Variants in GLI3 observed in about 807,000 individuals in gnomAD.
GLI3 encodes transcription activator GLI3.
Under a neutral mutation model 100.8 loss-of-function variants are expected in GLI3, and 20 were observed. That is an observed-to-expected ratio of 0.20 (90% CI 0.14 to 0.29). The LOEUF (loss-of-function observed/expected upper bound fraction) is 0.29. Ranked by LOEUF, GLI3 falls within the 10% of genes least tolerant of loss-of-function variation. The probability of loss-of-function intolerance (pLI) is 1.00; values close to 1 mark genes in which losing one functional copy is unlikely to be tolerated. For synonymous variants in GLI3, 938 were observed against 860.5 expected (o/e 1.09, Z -1.58); for missense variants, 2,040 against 2,128.5 (o/e 0.96, Z 0.82).
At chr7:42,070,481 G>T (rs1416690364) in intron 4 of GLI3, among the ~76,000 whole-genome samples, 2 of 152,228 alleles carry the variant, frequency 1.3e-5, no homozygotes, top group African/African-American at 4.8e-5. Flanking sequence ...CGGAGCAAGG[G>T]TGTGGAGTCT....
In GLI3 at chr7:41,965,268, C is replaced by T. The variant is rs570240783; in HGVS notation, c.3805G>A (p.Asp1269Asn). 4 of 1,613,508 alleles carry T rather than the reference C, an allele frequency of 2.5e-6. No individual in the cohort carries two copies. Among genetic ancestry groups the T allele is most frequent in the Non-Finnish European group, 3.4e-6 (4 of 1,179,690 alleles). Residue 1269 changes from aspartate (D) to asparagine (N), a missense_variant, in exon 15 of 15, where the codon GAC becomes AAC. This residue lies in a region of GLI3 where 1,041 missense variants were observed against 924.0 expected (regional missense o/e 1.13). Transcript: ENST00000395925. ...TGAATCCCGGCACCACAGGCACCGT[C>T]GAGTGCACCAGGGGCCACTGGCTGC... ...NRQPVAPGAL[D>N]GACGAGIQAS...
intron 10 of GLI3, among the ~76,000 whole-genome samples, chr7:41,997,782 G>A (rs1788168058): frequency 6.6e-6 from 1 of 152,142 alleles, no homozygotes; most frequent in African/African-American, 2.4e-5. Context: ...ACTTCCACAC[G>A]CAGGTGCTCA....
chr7:42,055,071 A>G (rs575868205), intron 4 of GLI3, among the ~76,000 whole-genome samples: 9 of 137,380 alleles, frequency 6.6e-5, no homozygotes, highest in Non-Finnish European at 1.2e-4. Context: ...ATATGTATAC[A>G]TATATATGTA....
At chr7:42,205,667 A>G (rs1333274971) in intron 2 of GLI3, among the ~76,000 whole-genome samples, 14 of 152,252 alleles carry the variant, frequency 9.2e-5, no homozygotes, top group Non-Finnish European at 2.9e-5. Flanking sequence ...ATGAGACAAA[A>G]GTAAAACTAA....
rs1192540715 is a variant in GLI3, at chr7:42,120,346, C to CA, written c.367+27879dup. ...ATTTCCTTATGCCTTTTGGGAGCAG[C>CA]AATCTCTCTAATACGTTTCTGAATT... On this transcript the variant is annotated intron_variant, in intron 3 of 14. Coordinates refer to ENST00000395925, the MANE Select transcript of GLI3 (RefSeq NM_000168.6). Among the ~76,000 whole-genome samples, 6 of 152,172 alleles carry CA rather than the reference C, an allele frequency of 3.9e-5. No individual in the cohort carries two copies. In the East Asian group the frequency reaches 9.6e-4, roughly 24 times the overall value.
chr7:41,964,482 G>A lies in GLI3; in HGVS notation c.4591C>T (p.Leu1531Phe). 5 of 1,614,208 alleles carry A rather than the reference G, an allele frequency of 3.1e-6. No homozygotes were observed. The highest frequency in any genetic ancestry group is 4.2e-6 in the Non-Finnish European group (5 of 1,180,012). The stretch of plus-strand genomic sequence containing the variant: ...GTGAGGCGGGAGGAGCTATGGGAAA[G>A]GTTCTGAATGATACTTGGGCTCAGG... ...GALSPSIIQNLSHSSSRLTTP... is the reference protein window; with the variant it reads ...GALSPSIIQNFSHSSSRLTTP... Residue 1531 changes from leucine (L) to phenylalanine (F), a missense_variant, in exon 15 of 15, where the codon CTT becomes TTT. Physicochemically the swap from Leu to Phe is conservative, Grantham distance 22. Coordinates refer to ENST00000395925, the MANE Select transcript of GLI3 (RefSeq NM_000168.6).
At chr7:42,094,231 C>G (rs562234323) in intron 3 of GLI3, among the ~76,000 whole-genome samples, 83 of 152,306 alleles carry the variant, frequency 5.4e-4, no homozygotes, top group Admixed American at 3.7e-3. Context: ...ATTAGAACCA[C>G]GAATTCTGTT....
chr7:42,211,682 C>T (rs1583651642), intron 2 of GLI3, among the ~76,000 whole-genome samples: 1 of 152,102 alleles, frequency 6.6e-6, no homozygotes, highest in East Asian at 1.9e-4. Context: ...AAAAAATATT[C>T]TGTGAAAGGG....
chr7:42,224,607 T>A (rs1204871183), intron 1 of GLI3, among the ~76,000 whole-genome samples: 1 of 151,976 alleles, frequency 6.6e-6, no homozygotes, highest in Non-Finnish European at 1.5e-5. Context: ...TTTTGTAGAA[T>A]AAAAAAGAAA....
At chr7:42,170,287 T>TATATATATATATACACACACACAC (rs1452471645) in intron 2 of GLI3, among the ~76,000 whole-genome samples, 2 of 124,004 alleles carry the variant, frequency 1.6e-5, no homozygotes, top group African/African-American at 6.1e-5. Context: ...TATATATATA[T>TATATATATATATACACACACACAC]ACACACACAT....
At chr7:42,161,521 A>T (rs1309374560) in intron 2 of GLI3, among the ~76,000 whole-genome samples, 2 of 152,230 alleles carry the variant, frequency 1.3e-5, no homozygotes, top group Non-Finnish European at 2.9e-5. Flanking sequence ...TAGGAAAAAT[A>T]TTCAAAAAAT....
chr7:42,263,739 C>T (rs538704711), intron 1 of GLI3, among the ~76,000 whole-genome samples: 128 of 152,264 alleles, frequency 8.4e-4, no homozygotes, highest in African/African-American at 3.1e-3. Flanking sequence ...TGAGCCACCG[C>T]ACCCCACCAG....
chr7:42,057,328 G>T (rs749367310), intron 4 of GLI3, among the ~76,000 whole-genome samples: 8 of 152,152 alleles, frequency 5.3e-5, no homozygotes, highest in Non-Finnish European at 1.2e-4. Flanking sequence ...CTAAAATTAA[G>T]AAGTCTGACA....
chr7:42,096,973 A>G (rs1785351953), intron 3 of GLI3, among the ~76,000 whole-genome samples: 1 of 152,152 alleles, frequency 6.6e-6, no homozygotes, highest in South Asian at 2.1e-4. Context: ...AGCCTAAGGG[A>G]TGTTTAATAA....
chr7:42,039,560 T>C (rs560873267), intron 7 of GLI3, among the ~76,000 whole-genome samples: 5 of 152,346 alleles, frequency 3.3e-5, no homozygotes, highest in Admixed American at 3.3e-4. Context: ...TTATTTTCCA[T>C]CAGACGAAAA....
intron 2 of GLI3, among the ~76,000 whole-genome samples, chr7:42,166,093 C>T (rs1787235755): frequency 6.6e-6 from 1 of 152,178 alleles, no homozygotes; most frequent in Admixed American, 6.5e-5. Context: ...CTCCAAACTG[C>T]CCAGCCTGAA....
rs1554337051 is a variant in GLI3, at chr7:42,182,660, A to ATATATATATACATGTG, written c.125-34193_125-34192insCACATGTATATATATA. Among the ~76,000 whole-genome samples, 447 of 59,100 alleles carry ATATATATATACATGTG rather than the reference A, an allele frequency of 7.6e-3. 8 individuals carry two copies. The highest frequency in any genetic ancestry group is 0.048 in the Middle Eastern group (6 of 126). The allele number at this position is 59,100 out of a possible 152,430, so 38.8% of individuals were successfully genotyped here. On this transcript the variant is annotated intron_variant, in intron 2 of 14. Coordinates refer to ENST00000395925, the MANE Select transcript of GLI3 (RefSeq NM_000168.6). ...TATGTGTGTGTATATATATATATATATATATATATATATATATATATACAC... is the reference window on the plus strand; with the variant it reads ...TATGTGTGTGTATATATATATATATATATATATATACATGTGTATATATATATATATATATATACAC...
chr7:42,216,815 A>C (rs1198663836), intron 2 of GLI3, among the ~76,000 whole-genome samples: 1 of 152,252 alleles, frequency 6.6e-6, no homozygotes, highest in Non-Finnish European at 1.5e-5. Flanking sequence ...ATTTCTATGG[A>C]CAAGAGGCCA....
intron 7 of GLI3, among the ~76,000 whole-genome samples, chr7:42,027,832 T>C (rs1789164510): frequency 6.6e-6 from 1 of 152,188 alleles, no homozygotes; most frequent in East Asian, 1.9e-4. Context: ...AAAACAGTCA[T>C]TGTTCACAGT....
Sources: gnomAD v4.1 joint callset for allele counts (sites outside exome capture counted in the v4.1 genomes callset) on GRCh38, gnomAD v4.1.1 for gene constraint, gnomAD v4.1.1 regional missense constraint, MANE v1.5 for transcripts, NCBI Gene and HGNC (gene_info 2026-07-23, HGNC 2026-07-21) for gene names.